Variants in NLK observed in about 807,000 individuals in gnomAD.
The protein encoded by NLK is nemo like kinase, also known as serine/threonine-protein kinase NLK.
Under a neutral mutation model 59.0 loss-of-function variants are expected in NLK, and 11 were observed. The ratio of observed to expected loss-of-function variants is 0.19; its 90% CI spans 0.12 to 0.31. The LOEUF (loss-of-function observed/expected upper bound fraction) is 0.31. Among genes scored for constraint, NLK ranks in the 10% least tolerant of loss-of-function variants. The probability of loss-of-function intolerance (pLI) is 1.00; values close to 1 mark genes in which losing one functional copy is unlikely to be tolerated. For missense variants in NLK, 410 were observed against 661.1 expected (o/e 0.62, Z 4.16); for synonymous variants, 235 against 235.9 (o/e 1.00, Z 0.03).
chr17:28,147,830 T>C (rs1177146232), intron 3 of NLK, among the ~76,000 whole-genome samples: 1 of 152,216 alleles, frequency 6.6e-6, no homozygotes, highest in Non-Finnish European at 1.5e-5. Flanking sequence ...TTGTTATATT[T>C]GGGCACTGTC....
At chr17:28,081,354 T>TA (rs1043875493) in intron 1 of NLK, among the ~76,000 whole-genome samples, 1,594 of 147,876 alleles carry the variant, frequency 0.011, 21 homozygotes, top group African/African-American at 0.036. Flanking sequence ...CCAGCTAATT[T>TA]AAAAAAAAAA....
chr17:28,125,246 T>C (rs753497422), intron 2 of NLK, among the ~76,000 whole-genome samples: 1 of 152,066 alleles, frequency 6.6e-6, no homozygotes, highest in Non-Finnish European at 1.5e-5. Flanking sequence ...GTAAGAAAAA[T>C]AAACTGAATT....
chr17:28,066,972 A>G (rs1909846089), intron 1 of NLK, among the ~76,000 whole-genome samples: 2 of 152,162 alleles, frequency 1.3e-5, no homozygotes, highest in Admixed American at 6.5e-5. Flanking sequence ...GTTTTGAATG[A>G]TCTTTACATA....
chr17:28,043,236 T>C lies in NLK; in HGVS notation c.363T>C (p.Val121=). 1 of 1,613,930 alleles carries C rather than the reference T, an allele frequency of 6.2e-7. No homozygotes were observed. ...TACAGGCTGCCGCAGCTGCTACAGT[T>C]AAGGCGCACCATCATCAGCACTCGC... ...AQVQAAAAAT[V]KAHHHQHSHH... is the part of the protein sequence containing the mutation. Residue 121 remains valine (V), a synonymous_variant, in exon 1 of 11, where the codon GTT becomes GTC. Transcript: ENST00000407008.
Position 28,194,640 on chromosome 17 carries a change from T to C in NLK, c.*4T>C. 7 of 1,588,008 alleles carry C rather than the reference T, an allele frequency of 4.4e-6. No homozygotes were observed. Among genetic ancestry groups the C allele is most frequent in the Non-Finnish European group, 5.2e-6 (6 of 1,159,528 alleles). ...ATCTCCTCTGGTGTGGGAGTGATGG[T>C]GGAAGATAATGTACTACTGAAGATG... On this transcript the variant is annotated 3_prime_UTR_variant, in exon 11 of 11. Transcript: ENST00000407008.
intron 1 of NLK, among the ~76,000 whole-genome samples, chr17:28,083,137 C>T (rs1910403769): frequency 6.6e-6 from 1 of 152,104 alleles, no homozygotes. Context: ...TTATGAGCAC[C>T]TGTGAAGCAG....
chr17:28,136,311 T>C (rs1252396483), intron 3 of NLK, among the ~76,000 whole-genome samples: 1 of 152,224 alleles, frequency 6.6e-6, no homozygotes, highest in Non-Finnish European at 1.5e-5. Context: ...TGCCTTATAA[T>C]TCTTAGCTAC....
At chr17:28,155,957 T>G in intron 3 of NLK, among the ~76,000 whole-genome samples, 2 of 152,306 alleles carry the variant, frequency 1.3e-5, no homozygotes, top group South Asian at 4.1e-4. Flanking sequence ...AGTTTTATTT[T>G]AAATATACAT....
chr17:28,059,806 A>G (rs891550758), intron 1 of NLK, among the ~76,000 whole-genome samples: 1 of 152,222 alleles, frequency 6.6e-6, no homozygotes, highest in Non-Finnish European at 1.5e-5. Flanking sequence ...GCCAATTTCA[A>G]ACCACTAATG....
intron 7 of NLK, among the ~76,000 whole-genome samples, chr17:28,183,479 C>T (rs1908994815): frequency 6.6e-6 from 1 of 152,148 alleles, no homozygotes; most frequent in Non-Finnish European, 1.5e-5. Flanking sequence ...CTGGCATGTA[C>T]CACCATGCCG....
At chr17:28,063,076 C>G (rs35820604) in intron 1 of NLK, among the ~76,000 whole-genome samples, 2 of 151,970 alleles carry the variant, frequency 1.3e-5, no homozygotes, top group South Asian at 4.2e-4. Context: ...GGACTATAGG[C>G]GTACACCACC....
intron 7 of NLK, among the ~76,000 whole-genome samples, chr17:28,182,539 T>C (rs867136346): frequency 6.6e-6 from 1 of 152,234 alleles, no homozygotes; most frequent in Non-Finnish European, 1.5e-5. Context: ...TTTTGAATTT[T>C]CATCTACTGA....
intron 2 of NLK, among the ~76,000 whole-genome samples, chr17:28,127,265 G>A (rs1413889074): frequency 1.3e-5 from 2 of 152,180 alleles, no homozygotes; most frequent in African/African-American, 4.8e-5. Flanking sequence ...TAGCTCTGGA[G>A]TGCTCCAGAG....
chr17:28,112,755 C>G (rs113795836), intron 1 of NLK, among the ~76,000 whole-genome samples: 1 of 152,066 alleles, frequency 6.6e-6, no homozygotes, highest in Non-Finnish European at 1.5e-5. Flanking sequence ...TGCTTCACAA[C>G]GGAAGAAGTT....
intron 10 of NLK, 78 bp from the exon 11 acceptor site, chr17:28,194,504 G>A: frequency 2.0e-6 from 2 of 1,008,260 alleles, no homozygotes; most frequent in Non-Finnish European, 3.0e-6. Flanking sequence ...GAGGAAGAGA[G>A]GAAAACAGGA....
At chr17:28,162,386 G>A (rs1362778123) in intron 4 of NLK, among the ~76,000 whole-genome samples, 1 of 151,978 alleles carries the variant, frequency 6.6e-6, no homozygotes, top group African/African-American at 2.4e-5. Flanking sequence ...TAATCCCAGC[G>A]CTTTGGGATG....
intron 1 of NLK, among the ~76,000 whole-genome samples, chr17:28,058,396 T>A (rs1001821531): frequency 1.3e-5 from 2 of 152,226 alleles, no homozygotes; most frequent in African/African-American, 4.8e-5. Flanking sequence ...TTTCTTTTCC[T>A]CTTAAAGTAG....
intron 1 of NLK, among the ~76,000 whole-genome samples, chr17:28,120,235 GGTGTGTGTGTGTGTGTGTGT>G (rs10542547): frequency 1.9e-4 from 27 of 139,086 alleles, no homozygotes; most frequent in Non-Finnish European, 4.1e-4. Context: ...TTTGGCTTGG[GGTGTGTGTGTGTGTGTGTGT>G]GTGTGTGTGT....
Position 28,194,930 on chromosome 17 carries a change from G to T in NLK, c.*294G>T. ...ACAAAAGAGAATTGAACCAAATTTG[G>T]GAGTTTGGGGTTTTATGTTTTGTTT... On this transcript the variant is annotated 3_prime_UTR_variant, in exon 11 of 11. Coordinates refer to ENST00000407008, the MANE Select transcript of NLK (RefSeq NM_016231.5). The T allele has an allele frequency of 3.7e-6, 1 of 267,574 alleles. No homozygotes were observed. The highest frequency in any genetic ancestry group is 7.0e-6 in the Non-Finnish European group (1 of 143,004). The allele number at this position is 267,574 out of a possible 1,614,324, so 16.6% of individuals were successfully genotyped here.
Sources: gnomAD v4.1 joint callset for allele counts (sites outside exome capture counted in the v4.1 genomes callset) on GRCh38, gnomAD v4.1.1 for gene constraint, MANE v1.5 for transcripts, NCBI Gene and HGNC (gene_info 2026-07-23, HGNC 2026-07-21) for gene names.